The following SPATS2 variants were observed in gnomAD, a reference collection of about 807,000 sequenced individuals.
The protein encoded by SPATS2 is spermatogenesis associated serine rich 2.
SPATS2 carries 38 observed loss-of-function variants against 63.7 expected under a neutral mutation model. The observed-to-expected ratio is 0.60, with a 90% CI of 0.46 to 0.78. The LOEUF is 0.78. Ranked by LOEUF, SPATS2 falls within the 30% of genes least tolerant of loss-of-function variation. SPATS2 has a pLI of 0.00. For missense variants in SPATS2, 588 were observed against 666.2 expected, an observed-to-expected ratio of 0.88 and a Z score of 1.29; for synonymous variants, 207 against 232.9, an observed-to-expected ratio of 0.89 and a Z score of 1.01.
At chr12:49,514,490 T>G in intron 9 of SPATS2, 65 bp from the exon 10 acceptor site, 1 of 1,473,560 alleles carries the variant, frequency 6.8e-7, no homozygotes, top group African/African-American at 1.4e-5. Flanking sequence ...TTACTATTAA[T>G]AATGTGCTAA....
intron 2 of SPATS2, among the ~76,000 whole-genome samples, chr12:49,446,478 C>T (rs1945513062): frequency 6.6e-6 from 1 of 152,188 alleles, no homozygotes; most frequent in African/African-American, 2.4e-5. Context: ...TGGCAGAATG[C>T]AGTTCCATGT....
rs373778060 is a variant in SPATS2 at position 49,445,961 on chromosome 12, T to C, written c.-243-14809T>C. On this transcript the variant is annotated intron_variant, in intron 2 of 13. Transcript: ENST00000552918. ...ACTCTGTAGCCCAAGCTGGAGTGCA[T>C]TGATGCAATCTCAGCCCACTGCAAC... is the stretch of plus-strand genomic sequence containing the variant. Among the ~76,000 whole-genome samples, 80 of 152,254 alleles carry C rather than the reference T, an allele frequency of 5.3e-4. No individual in the cohort carries two copies. In the South Asian group the frequency reaches 0.012, roughly 23 times the overall value.
intron 2 of SPATS2, among the ~76,000 whole-genome samples, chr12:49,383,001 G>A (rs1273337016): frequency 1.3e-5 from 2 of 151,148 alleles, no homozygotes; most frequent in South Asian, 4.2e-4. Context: ...CACTGCGCCC[G>A]GCCTTTTAAA....
chr12:49,483,068 C>T (rs1447373473), intron 3 of SPATS2, among the ~76,000 whole-genome samples: 2 of 145,138 alleles, frequency 1.4e-5, no homozygotes, highest in East Asian at 2.0e-4. Context: ...GGATTATAGG[C>T]GTGAACCACC....
chr12:49,399,438 T>C (rs899793526), intron 2 of SPATS2, among the ~76,000 whole-genome samples: 5 of 152,164 alleles, frequency 3.3e-5, no homozygotes, highest in Non-Finnish European at 7.3e-5. Flanking sequence ...GATAGTCTAT[T>C]AGGGGCCACG....
intron 2 of SPATS2, among the ~76,000 whole-genome samples, chr12:49,445,979 A>T (rs534335447): frequency 1.3e-5 from 2 of 152,222 alleles, no homozygotes; most frequent in East Asian, 3.9e-4. Context: ...ATCTCAGCCC[A>T]CTGCAACCTC....
chr12:49,513,873 CA>C (rs1946793748), intron 9 of SPATS2, among the ~76,000 whole-genome samples: 1 of 151,982 alleles, frequency 6.6e-6, no homozygotes, highest in Non-Finnish European at 1.5e-5. Context: ...AGTATGAGTA[CA>C]GGCCGGGCGC....
At chr12:49,379,320 G>T (rs1432282171) in intron 2 of SPATS2, among the ~76,000 whole-genome samples, 1 of 150,390 alleles carries the variant, frequency 6.6e-6, no homozygotes, top group Non-Finnish European at 1.5e-5. Flanking sequence ...GGCTGAGGTG[G>T]GTGGATCACG....
chr12:49,389,874 C>T, intron 2 of SPATS2: 4 of 834,210 alleles, frequency 4.8e-6, no homozygotes, highest in Non-Finnish European at 8.5e-6. Flanking sequence ...AAAAGATGAT[C>T]CGGGAAAAAT....
intron 8 of SPATS2, among the ~76,000 whole-genome samples, chr12:49,498,138 A>C (rs1284731889): frequency 8.7e-6 from 1 of 115,068 alleles, no homozygotes; most frequent in Non-Finnish European, 1.8e-5. Flanking sequence ...AAGCCAAAAA[A>C]AAAAAAAATA....
At chr12:49,502,754 GCT>G (rs1946586519) in intron 9 of SPATS2, among the ~76,000 whole-genome samples, 1 of 152,150 alleles carries the variant, frequency 6.6e-6, no homozygotes, top group African/African-American at 2.4e-5. Flanking sequence ...ACTGCGCCTG[GCT>G]GTCTTCTGTT....
chr12:49,455,633 T>C (rs186395200), intron 2 of SPATS2, among the ~76,000 whole-genome samples: 106 of 152,148 alleles, frequency 7.0e-4, no homozygotes, highest in Non-Finnish European at 5.3e-4. Flanking sequence ...GTTATGTTTG[T>C]TTGTTTGAGA....
At chr12:49,486,815 G>A (rs1946303211) in intron 4 of SPATS2, among the ~76,000 whole-genome samples, 1 of 151,658 alleles carries the variant, frequency 6.6e-6, no homozygotes, top group Non-Finnish European at 1.5e-5. Flanking sequence ...AGAGAAACCA[G>A]TATCTAGGAG....
At chr12:49,450,692 C>T (rs1445334468) in intron 2 of SPATS2, among the ~76,000 whole-genome samples, 4 of 152,082 alleles carry the variant, frequency 2.6e-5, no homozygotes, top group East Asian at 3.9e-4. Flanking sequence ...TACAGGCATG[C>T]GTCACCATGC....
intron 2 of SPATS2, among the ~76,000 whole-genome samples, chr12:49,458,295 CTG>C (rs780013568): frequency 2.0e-5 from 3 of 151,866 alleles, no homozygotes; most frequent in Non-Finnish European, 4.4e-5. Flanking sequence ...TGGTGAAACC[CTG>C]TCTCTACTAA....
At chr12:49,504,770 C>CTTTTTTTTTTTTTTTTTTTTTTTT (rs745453843) in intron 9 of SPATS2, among the ~76,000 whole-genome samples, 31 of 98,818 alleles carry the variant, frequency 3.1e-4, no homozygotes, top group Non-Finnish European at 4.5e-4. Flanking sequence ...TTCTTTCTTT[C>CTTTTTTTTTTTTTTTTTTTTTTTT]TTTTTTTTTT....
intron 2 of SPATS2, among the ~76,000 whole-genome samples, chr12:49,442,070 CATTGCCATTGAGT>C (rs1158029012): frequency 2.6e-5 from 4 of 152,158 alleles, no homozygotes; most frequent in African/African-American, 4.8e-5. Flanking sequence ...TCTGACTCCA[CATTGCCATTGAGT>C]ATTGCCATTG....
intron 2 of SPATS2, among the ~76,000 whole-genome samples, chr12:49,400,221 C>T (rs1224995457): frequency 6.6e-6 from 1 of 151,932 alleles, no homozygotes. Flanking sequence ...AATTGACCAT[C>T]AGATTTAGTA....
In SPATS2 at chr12:49,490,742, T is replaced by C; in HGVS notation, c.264+11T>C. The stretch of plus-strand genomic sequence containing the variant: ...ACAGGCAAGAAAAAGGTAAAATGAA[T>C]TACATTTAAAAGCATGATGATGTGT... On this transcript the variant is annotated intron_variant, in intron 6 of 13. Coordinates refer to ENST00000552918, the MANE Select transcript of SPATS2 (RefSeq NM_023071.4). 6.2e-7 allele frequency: 1 copy of C among 1,612,660 alleles called. No individual in the cohort carries two copies. Among genetic ancestry groups the C allele is most frequent in the African/African-American group, 1.3e-5 (1 of 74,998 alleles).
Sources: gnomAD v4.1 joint callset for allele counts (sites outside exome capture counted in the v4.1 genomes callset) on GRCh38, gnomAD v4.1.1 for gene constraint, MANE v1.5 for transcripts, NCBI Gene and HGNC (gene_info 2026-07-23, HGNC 2026-07-21) for gene names.